ACTG2: variants seen among roughly 807,000 people sequenced by gnomAD.
The protein encoded by ACTG2 is actin gamma 2, smooth muscle, also known as actin, gamma-enteric smooth muscle.
Under a neutral mutation model 37.6 loss-of-function variants are expected in ACTG2, and 16 were observed. The ratio of observed to expected loss-of-function variants is 0.43; its 90% CI spans 0.29 to 0.65. ACTG2 has a LOEUF of 0.65. Ranked by LOEUF, ACTG2 falls within the 30% of genes least tolerant of loss-of-function variation. ACTG2 has a pLI of 0.18. For synonymous variants in ACTG2, 181 were observed against 179.9 expected (o/e 1.01, Z -0.05); for missense variants, 238 against 490.9 (o/e 0.48, Z 4.87).
intron 8 of ACTG2, among the ~76,000 whole-genome samples, chr2:73,918,201 C>G (rs913889800): frequency 2.6e-5 from 4 of 152,032 alleles, no homozygotes. Flanking sequence ...AATTGGACAG[C>G]AGGATTTGTT....
chr2:73,910,599 A>G (rs1000433198), intron 5 of ACTG2, among the ~76,000 whole-genome samples: 4 of 151,064 alleles, frequency 2.6e-5, no homozygotes, highest in Non-Finnish European at 5.9e-5. Flanking sequence ...CCTAGGTTCA[A>G]GTGATTCTCA....
chr2:73,912,346 T>G (rs1437532035), intron 5 of ACTG2, among the ~76,000 whole-genome samples: 1 of 152,154 alleles, frequency 6.6e-6, no homozygotes, highest in Non-Finnish European at 1.5e-5. Flanking sequence ...TTAGTAGCAA[T>G]GGGGTTTCAC....
intron 2 of ACTG2, 150 bp downstream of exon 2, chr2:73,901,587 CGTGTGT>C (rs140664533): frequency 1.8e-4 from 26 of 144,328 alleles, no homozygotes; most frequent in South Asian, 1.2e-3. Context: ...TGTGTCTGTG[CGTGTGT>C]GTGTGTGTGT....
chr2:73,905,462 T>G (rs1471498993), intron 3 of ACTG2, among the ~76,000 whole-genome samples: 3 of 152,070 alleles, frequency 2.0e-5, no homozygotes, highest in Admixed American at 6.6e-5. Context: ...ATTAAAAATA[T>G]GAAGTGTCCC....
intron 7 of ACTG2, among the ~76,000 whole-genome samples, 166 bp downstream of exon 7, chr2:73,915,037 GA>G (rs35892339): frequency 0.69 from 105,267 of 151,794 alleles, 37,193 homozygotes; most frequent in African/African-American, 0.82. Flanking sequence ...AAAAATTAGG[GA>G]AAAATCTCAT....
rs773526457 is a variant in ACTG2 at position 73,919,600 on chromosome 2, C to T, written c.*25C>T. On this transcript the variant is annotated 3_prime_UTR_variant, in exon 9 of 9. Coordinates refer to ENST00000345517, the MANE Select transcript of ACTG2 (RefSeq NM_001615.4). ...AAGTCAGAACAGGTTCTCCAAGGAT[C>T]CCCTCGAGACTACTCTGTTACCAGT... is the stretch of plus-strand genomic sequence containing the variant. 22 of 1,609,546 alleles carry T rather than the reference C, an allele frequency of 1.4e-5. No individual in the cohort carries two copies. The highest frequency in any genetic ancestry group is 1.9e-5 in the Non-Finnish European group (22 of 1,177,480).
At chr2:73,916,833 G>A (rs1464270632) in intron 8 of ACTG2, 68 bp downstream of exon 8, 33 of 1,548,900 alleles carry the variant, frequency 2.1e-5, no homozygotes, top group South Asian at 9.7e-5. Context: ...GGAGTTCCTC[G>A]GAGGCAGACT....
At chr2:73,906,746 G>A (rs1680026010) in intron 3 of ACTG2, among the ~76,000 whole-genome samples, 2 of 151,986 alleles carry the variant, frequency 1.3e-5, no homozygotes, top group African/African-American at 4.8e-5. Flanking sequence ...CCAAAGTGCT[G>A]GGATTACAGG....
chr2:73,915,258 G>A (rs371073050), intron 7 of ACTG2, among the ~76,000 whole-genome samples: 4 of 128,400 alleles, frequency 3.1e-5, no homozygotes, highest in South Asian at 2.3e-4. Context: ...GGTGGCTCAC[G>A]CCTGTAATCC....
chr2:73,895,886 A>T (rs1679737118), intron 1 of ACTG2, among the ~76,000 whole-genome samples: 1 of 152,212 alleles, frequency 6.6e-6, no homozygotes, highest in South Asian at 2.1e-4. Flanking sequence ...CAAGTACTCA[A>T]TTCTACCATT....
chr2:73,906,483 A>AATAAATACATAC (rs142230122), intron 3 of ACTG2, among the ~76,000 whole-genome samples: 2 of 149,996 alleles, frequency 1.3e-5, no homozygotes, highest in Non-Finnish European at 3.0e-5. Flanking sequence ...TAAATAAATA[A>AATAAATACATAC]ATACATAAAA....
intron 3 of ACTG2, among the ~76,000 whole-genome samples, chr2:73,907,294 A>G (rs913094613): frequency 1.3e-5 from 2 of 152,136 alleles, no homozygotes; most frequent in Admixed American, 6.6e-5. Context: ...GTCTTAGCAC[A>G]AACCTGGCGG....
chr2:73,914,642 G>A, intron 6 of ACTG2, 38 bp from the exon 7 acceptor site: 1 of 1,466,846 alleles, frequency 6.8e-7, no homozygotes, highest in Non-Finnish European at 9.1e-7. Flanking sequence ...AACTATCAGA[G>A]CTCAGTATTC....
intron 3 of ACTG2, among the ~76,000 whole-genome samples, chr2:73,905,850 CA>C (rs1680004429): frequency 6.6e-6 from 1 of 151,378 alleles, no homozygotes; most frequent in African/African-American, 2.4e-5. Context: ...TATTTATAAC[CA>C]AAAATCAAAG....
At chr2:73,897,283 G>C (rs1573457663) in intron 1 of ACTG2, 1 of 152,282 alleles carries the variant, frequency 6.6e-6, no homozygotes, top group African/African-American at 2.4e-5. Flanking sequence ...GGAGACAAAA[G>C]GGCCCATTGA....
In ACTG2 at chr2:73,908,916, C is replaced by A. The variant is rs1680071331; in HGVS notation, c.366+133C>A. The stretch of plus-strand genomic sequence containing the variant: ...TGCTATGTCTGTGGTCCATGCCAGG[C>A]CCTGGGGGAGTGGGTGTGGAATAAT... On this transcript the variant is annotated intron_variant, in intron 4 of 8. Coordinates refer to ENST00000345517, the MANE Select transcript of ACTG2 (RefSeq NM_001615.4). 4 of 1,199,624 alleles carry A rather than the reference C, an allele frequency of 3.3e-6. 1 individual carries two copies. In the South Asian group the frequency reaches 5.3e-5, roughly 16 times the overall value. 74.3% of individuals were successfully genotyped at this position (1,199,624 alleles called of 1,614,324 possible). A position where few individuals can be genotyped will look rare whatever the true frequency, so the allele number is the denominator to read the frequency against.
At chr2:73,908,865 C>A in intron 4 of ACTG2, 82 bp downstream of exon 4, 1 of 1,326,362 alleles carries the variant, frequency 7.5e-7, no homozygotes, top group South Asian at 1.2e-5. Flanking sequence ...CTTCAAACAT[C>A]AGTGCAACAG....
intron 3 of ACTG2, among the ~76,000 whole-genome samples, chr2:73,904,269 AAAAG>A (rs1679957767): frequency 8.0e-5 from 12 of 150,562 alleles, no homozygotes; most frequent in East Asian, 3.9e-4. Context: ...AAAAAAAAAA[AAAAG>A]AAAGGAAGGA....
At chr2:73,918,062 C>G (rs899381593) in intron 8 of ACTG2, among the ~76,000 whole-genome samples, 1 of 152,204 alleles carries the variant, frequency 6.6e-6, no homozygotes, top group African/African-American at 2.4e-5. Flanking sequence ...AGTTTAGGAT[C>G]TAATTAGTAA....
Sources: gnomAD v4.1 joint callset for allele counts (sites outside exome capture counted in the v4.1 genomes callset) on GRCh38, gnomAD v4.1.1 for gene constraint, MANE v1.5 for transcripts, NCBI Gene and HGNC (gene_info 2026-07-23, HGNC 2026-07-21) for gene names.